Variants in PPP3CC observed in about 807,000 individuals in gnomAD.
PPP3CC encodes protein phosphatase 3 catalytic subunit gamma.
PPP3CC carries 35 observed loss-of-function variants against 60.3 expected under a neutral mutation model. The ratio of observed to expected loss-of-function variants is 0.58; its 90% CI spans 0.44 to 0.77. PPP3CC has a LOEUF of 0.77. Among genes scored for constraint, PPP3CC ranks in the 30% least tolerant of loss-of-function variants. The probability of loss-of-function intolerance (pLI) is 0.00; values close to 1 mark genes in which losing one functional copy is unlikely to be tolerated. For missense variants in PPP3CC, 570 were observed against 628.9 expected, an observed-to-expected ratio of 0.91 and a Z score of 1.00; for synonymous variants, 206 against 224.3, an observed-to-expected ratio of 0.92 and a Z score of 0.73.
chr8:22,532,014 A>G (rs939877757), intron 10 of PPP3CC, among the ~76,000 whole-genome samples: 1 of 151,978 alleles, frequency 6.6e-6, no homozygotes, highest in African/African-American at 2.4e-5. Flanking sequence ...GTGGCCTCTC[A>G]TTTTTTACTT....
At chr8:22,472,672 G>A (rs1259593683) in intron 1 of PPP3CC, among the ~76,000 whole-genome samples, 1 of 152,170 alleles carries the variant, frequency 6.6e-6, no homozygotes, top group African/African-American at 2.4e-5. Context: ...AGTTAATGCA[G>A]CATGAACATT....
At chr8:22,530,537 A>AAATAAATG (rs71206527) in intron 10 of PPP3CC, among the ~76,000 whole-genome samples, 4,457 of 150,928 alleles carry the variant, frequency 0.03, 138 homozygotes, top group African/African-American at 0.075. Context: ...ATAAATAAAT[A>AAATAAATG]AAAAGGAAGA....
chr8:22,513,838 A>G (rs1211128164), intron 6 of PPP3CC, among the ~76,000 whole-genome samples: 2 of 152,236 alleles, frequency 1.3e-5, no homozygotes, highest in Non-Finnish European at 2.9e-5. Context: ...AACCACTAGT[A>G]TAGACTAAGA....
chr8:22,506,874 G>A (rs987838154), intron 4 of PPP3CC, among the ~76,000 whole-genome samples: 15 of 151,964 alleles, frequency 9.9e-5, no homozygotes, highest in South Asian at 2.1e-4. Flanking sequence ...CCCGGGAGGC[G>A]GAGCTTGCAG....
intron 3 of PPP3CC, among the ~76,000 whole-genome samples, chr8:22,490,585 A>T (rs1838371940): frequency 6.7e-6 from 1 of 150,330 alleles, no homozygotes; most frequent in African/African-American, 2.4e-5. Flanking sequence ...TATATCTCCT[A>T]ATGCTATGCC....
chr8:22,540,689 C>T lies in PPP3CC; in HGVS notation c.1426C>T (p.Arg476Ter). The change falls in exon 14 of 14, where the codon CGA (arginine) becomes TGA (stop). Residue 476 changes from arginine to a stop codon, truncating the protein, a stop_gained. Coordinates refer to ENST00000240139, the MANE Select transcript of PPP3CC (RefSeq NM_005605.5). LOFTEE classifies it low-confidence loss of function (END_TRUNC). ...GCGAGGTCTGGACCGAATTAATGAG[C>T]GAATGCCACCCCGAAAGGATAGCAT... is the stretch of plus-strand genomic sequence containing the variant. The part of the protein sequence containing the change: ...EARGLDRINE[R>*]MPPRKDSIHA... 6.2e-7 allele frequency: 1 copy of T among 1,614,054 alleles called. No homozygotes were observed.
chr8:22,529,203 A>G (rs573455097), intron 10 of PPP3CC, among the ~76,000 whole-genome samples: 104 of 152,296 alleles, frequency 6.8e-4, no homozygotes, highest in African/African-American at 2.3e-3. Context: ...CATAGGATGA[A>G]TTTGTAGAAA....
intron 3 of PPP3CC, among the ~76,000 whole-genome samples, chr8:22,487,601 G>T (rs1337063873): frequency 6.6e-6 from 1 of 151,978 alleles, no homozygotes; most frequent in South Asian, 2.1e-4. Flanking sequence ...TTCTGGCCTA[G>T]GTGACTGAGT....
Position 22,533,016 on chromosome 8 carries a change from C to A in PPP3CC, c.1319C>A (p.Thr440Lys). ...TCAGGAGGCAAGCAGACTATCGAGACAGGTGAGTATGAGAGTGCTCCTCCA... is the reference window on the plus strand; with the variant it reads ...TCAGGAGGCAAGCAGACTATCGAGAAAGGTGAGTATGAGAGTGCTCCTCCA... ...VLSGGKQTIE[T>K]ATVEAVEARE... is the part of the protein sequence containing the mutation. Residue 440 changes from threonine to lysine, a missense_variant and splice_region_variant, in exon 12 of 14, where the codon ACA (threonine) becomes AAA (lysine). Physicochemically the swap from Thr to Lys is moderately conservative, Grantham distance 78 (BLOSUM62 -1). Coordinates refer to ENST00000240139, the MANE Select transcript of PPP3CC (RefSeq NM_005605.5). The A allele has an allele frequency of 6.3e-7, 1 of 1,596,948 alleles. No homozygotes were observed. Among genetic ancestry groups the A allele is most frequent in the South Asian group, 1.1e-5 (1 of 89,448 alleles).
chr8:22,527,359 T>C (rs1308243164), intron 8 of PPP3CC, 33 bp from the exon 9 acceptor site: 1 of 1,610,466 alleles, frequency 6.2e-7, no homozygotes, highest in Admixed American at 1.7e-5. Flanking sequence ...CATGTTCCTC[T>C]GTGCCAGATT....
intron 1 of PPP3CC, among the ~76,000 whole-genome samples, chr8:22,473,952 T>C (rs1837809620): frequency 6.6e-6 from 1 of 152,118 alleles, no homozygotes; most frequent in Admixed American, 6.6e-5. Flanking sequence ...TGGAGTTCAG[T>C]GGCGCGATCT....
intron 3 of PPP3CC, among the ~76,000 whole-genome samples, chr8:22,476,228 C>G (rs1027674142): frequency 6.6e-6 from 1 of 152,150 alleles, no homozygotes; most frequent in East Asian, 1.9e-4. Context: ...TACTTTAGAA[C>G]TTTATGCAAG....
chr8:22,485,758 A>C (rs1387758090), intron 3 of PPP3CC, among the ~76,000 whole-genome samples: 1 of 152,230 alleles, frequency 6.6e-6, no homozygotes, highest in African/African-American at 2.4e-5. Context: ...TAGAGCATGC[A>C]TGCAGACAGA....
chr8:22,533,129 T>C, intron 12 of PPP3CC, 111 bp downstream of exon 12: 1 of 725,676 alleles, frequency 1.4e-6, no homozygotes, highest in Non-Finnish European at 2.1e-6. Flanking sequence ...CAGTTGGTTA[T>C]ACCATAAGCG....
chr8:22,528,965 C>A (rs184459143), intron 10 of PPP3CC, among the ~76,000 whole-genome samples: 1 of 152,068 alleles, frequency 6.6e-6, no homozygotes, highest in Admixed American at 6.6e-5. Flanking sequence ...CAAGTTTTTG[C>A]CGACAAAACC....
intron 1 of PPP3CC, among the ~76,000 whole-genome samples, chr8:22,444,708 G>T (rs1290134329): frequency 6.6e-6 from 1 of 152,302 alleles, no homozygotes; most frequent in East Asian, 1.9e-4. Context: ...ACCCTAGTAG[G>T]TTGCTCATTC....
chr8:22,531,162 T>A, intron 10 of PPP3CC: 1 of 757,822 alleles, frequency 1.3e-6, no homozygotes, highest in Non-Finnish European at 2.2e-6. Flanking sequence ...ATATCTCTTA[T>A]GAGCTGGTAA....
chr8:22,479,845 T>A (rs1465319869), intron 3 of PPP3CC, among the ~76,000 whole-genome samples: 2 of 152,132 alleles, frequency 1.3e-5, no homozygotes, highest in Non-Finnish European at 2.9e-5. Flanking sequence ...AAGGTTAGGT[T>A]TTATGAGAAA....
At position 22,498,132 on chromosome 8, in the gene PPP3CC, T is replaced by TAAG. The variant is rs775222613; in HGVS notation, c.484+21_484+22insAGA. On this transcript the variant is annotated intron_variant, in intron 4 of 13. Transcript: ENST00000240139. ...AGGAATGTAAGTATAATCACTCCTCTAGAACCTTTTTAGTTACCCTTTAAC... is the reference window on the plus strand; with the variant it reads ...AGGAATGTAAGTATAATCACTCCTCTAAGAGAACCTTTTTAGTTACCCTTTAAC... 12 of 1,523,902 alleles carry TAAG rather than the reference T, an allele frequency of 7.9e-6. No individual in the cohort carries two copies. The highest frequency in any genetic ancestry group is 1.0e-5 in the Non-Finnish European group (11 of 1,101,798). 94.4% of individuals were successfully genotyped at this position (1,523,902 alleles called of 1,614,324 possible).
Sources: allele counts gnomAD v4.1 joint callset (sites outside exome capture counted in the v4.1 genomes callset), GRCh38; gene constraint gnomAD v4.1.1; transcripts MANE v1.5; gene names NCBI Gene and HGNC (gene_info 2026-07-23, HGNC 2026-07-21).